EGFR: variants seen among roughly 807,000 people sequenced by gnomAD.
EGFR encodes epidermal growth factor receptor.
In EGFR, 58 loss-of-function variants were observed where a neutral mutation model predicts 143.0. The observed-to-expected ratio is 0.41, with a 90% CI of 0.33 to 0.50. The LOEUF (loss-of-function observed/expected upper bound fraction) is 0.50. EGFR is among the 20% of genes least tolerant of loss of function. EGFR has a pLI of 0.39. For missense variants in EGFR, 1,307 were observed against 1,579.0 expected, an observed-to-expected ratio of 0.83 and a Z score of 2.92; for synonymous variants, 613 against 594.4, an observed-to-expected ratio of 1.03 and a Z score of -0.45.
intron 1 of EGFR, among the ~76,000 whole-genome samples, chr7:55,120,848 T>G (rs1419152629): frequency 6.6e-6 from 1 of 152,226 alleles, no homozygotes; most frequent in Non-Finnish European, 1.5e-5. Context: ...TAACATTGCT[T>G]ATAGGAAGAC....
At chr7:55,149,785 T>C (rs552001454) in intron 4 of EGFR, among the ~76,000 whole-genome samples, 31 of 152,208 alleles carry the variant, frequency 2.0e-4, no homozygotes, top group Non-Finnish European at 4.1e-4. Flanking sequence ...AAATTATATA[T>C]CTAAAAATAA....
intron 5 of EGFR, among the ~76,000 whole-genome samples, chr7:55,152,133 C>G (rs1404381935): frequency 6.6e-6 from 1 of 152,192 alleles, no homozygotes; most frequent in African/African-American, 2.4e-5. Flanking sequence ...GTATGGTTGT[C>G]TGGCTCAGCC....
chr7:55,150,324 C>A (rs1346674851), intron 4 of EGFR, among the ~76,000 whole-genome samples: 1 of 152,226 alleles, frequency 6.6e-6, no homozygotes, highest in East Asian at 1.9e-4. Context: ...TACCTCCTCA[C>A]AACGTCCATC....
intron 1 of EGFR, among the ~76,000 whole-genome samples, chr7:55,065,711 G>T (rs1429045297): frequency 2.0e-5 from 3 of 152,166 alleles, no homozygotes; most frequent in African/African-American, 4.8e-5. Flanking sequence ...TAGGGACATG[G>T]CTGTGTTTCC....
rs149082647 is a variant in EGFR, at chr7:55,104,351, G to A, written c.89-37935G>A. ...TCCTCCGTAGGCTCCCAACTCCGCC[G>A]TCGCTGCTACTGTGCTGGATGATGC... On this transcript the variant is annotated intron_variant, in intron 1 of 27. Transcript: ENST00000275493. 2.5e-4 allele frequency among the ~76,000 whole-genome samples: 38 copies of A among 152,328 alleles called. No homozygotes were observed. The South Asian group carries it at 6.8e-3, about 27-fold the overall frequency.
At chr7:55,191,612 T>A in intron 20 of EGFR, 107 bp from the exon 21 acceptor site, 2 of 1,496,496 alleles carry the variant, frequency 1.3e-6, no homozygotes, top group Non-Finnish European at 1.8e-6. Context: ...CCATAAGTCC[T>A]CGACGTGGAG....
In EGFR at chr7:55,143,442, T is replaced by C. The variant is rs1794581366; in HGVS notation, c.378T>C (p.Asp126=). 1.9e-6 allele frequency: 3 copies of C among 1,614,224 alleles called. No individual in the cohort carries two copies. Among genetic ancestry groups the C allele is most frequent in the Non-Finnish European group, 2.5e-6 (3 of 1,180,036 alleles). ...CCTTAGCAGTCTTATCTAACTATGA[T>C]GCAAATAAAACCGGACTGAAGGAGC... ...SYALAVLSNY[D]ANKTGLKELP... The change falls in exon 3 of 28, where the codon GAT becomes GAC. Residue 126 remains aspartate (D), a synonymous_variant. Transcript: ENST00000275493.
intron 16 of EGFR, among the ~76,000 whole-genome samples, chr7:55,171,499 G>A: frequency 6.6e-6 from 1 of 152,210 alleles, no homozygotes; most frequent in South Asian, 2.1e-4. Flanking sequence ...GAATTCCTTG[G>A]TTCCACTGGT....
intron 1 of EGFR, among the ~76,000 whole-genome samples, chr7:55,085,471 T>C (rs3735063): frequency 0.019 from 2,919 of 152,336 alleles, 56 homozygotes; most frequent in South Asian, 0.067. Context: ...CGCCCTCTTG[T>C]AGAGCCCGTT....
At chr7:55,166,343 T>G (rs1785981364) in intron 15 of EGFR, 1 of 567,558 alleles carries the variant, frequency 1.8e-6, no homozygotes, top group African/African-American at 1.8e-5. Flanking sequence ...CAGCTTTGTT[T>G]GGAACTGTTA....
At chr7:55,134,827 TAG>T (rs1376722800) in intron 1 of EGFR, among the ~76,000 whole-genome samples, 4 of 152,202 alleles carry the variant, frequency 2.6e-5, no homozygotes, top group Admixed American at 6.5e-5. Flanking sequence ...GCTCCATATT[TAG>T]AGAGATCTAT....
chr7:55,030,397 A>C (rs1787182525), intron 1 of EGFR, among the ~76,000 whole-genome samples: 1 of 152,164 alleles, frequency 6.6e-6, no homozygotes, highest in South Asian at 2.1e-4. Context: ...GTTATGAAGT[A>C]GTTTTTAGAC....
chr7:55,114,817 G>A (rs1383688134), intron 1 of EGFR, among the ~76,000 whole-genome samples: 1 of 150,790 alleles, frequency 6.6e-6, no homozygotes, highest in Non-Finnish European at 1.5e-5. Flanking sequence ...ATAAATATCA[G>A]CTTTTGAGAG....
chr7:55,170,545 G>C (rs2128950904), intron 15 of EGFR: 1 of 1,613,042 alleles, frequency 6.2e-7, no homozygotes, highest in South Asian at 1.1e-5. Flanking sequence ...CTGCCACTGA[G>C]CCTCATGCCT....
intron 27 of EGFR, among the ~76,000 whole-genome samples, chr7:55,203,935 A>G (rs1787985846): frequency 6.6e-6 from 1 of 151,116 alleles, no homozygotes; most frequent in African/African-American, 2.4e-5. Flanking sequence ...CAAAATCTTT[A>G]TATATAAAAA....
chr7:55,032,068 T>C (rs1027311181), intron 1 of EGFR, among the ~76,000 whole-genome samples: 1 of 152,192 alleles, frequency 6.6e-6, no homozygotes, highest in African/African-American at 2.4e-5. Context: ...TCAAGGTTGA[T>C]TTTTAGTTGA....
At chr7:55,094,410 G>A (rs1791318398) in intron 1 of EGFR, among the ~76,000 whole-genome samples, 1 of 152,190 alleles carries the variant, frequency 6.6e-6, no homozygotes, top group Non-Finnish European at 1.5e-5. Context: ...TGATCATCTG[G>A]GGAGACTGGC....
In EGFR at chr7:55,028,760, T is replaced by A. The variant is rs370670704; in HGVS notation, c.88+9395T>A. Among the ~76,000 whole-genome samples the A allele has an allele frequency of 1.9e-4, 29 of 152,274 alleles. 2 individuals are homozygous for A. The highest frequency in any genetic ancestry group is 1.2e-3 in the Admixed American group (19 of 15,300). ...TTAAAATAAAGTATATTTTAATATA[T>A]TATTAGAAAGTTAAGCAATTATCTG... On this transcript the variant is annotated intron_variant, in intron 1 of 27. Coordinates refer to ENST00000275493, the MANE Select transcript of EGFR (RefSeq NM_005228.5).
intron 1 of EGFR, among the ~76,000 whole-genome samples, chr7:55,060,514 A>G (rs729969): frequency 0.83 from 126,435 of 152,104 alleles, 52,905 homozygotes; most frequent in East Asian, 0.96. Flanking sequence ...TTTTCCTAGC[A>G]TCTTTTCCTT....
Sources: allele counts gnomAD v4.1 joint callset (sites outside exome capture counted in the v4.1 genomes callset), GRCh38; gene constraint gnomAD v4.1.1; transcripts MANE v1.5; gene names NCBI Gene and HGNC (gene_info 2026-07-23, HGNC 2026-07-21).